The following PNPLA1 variants were observed in gnomAD, a reference collection of about 807,000 sequenced individuals.
PNPLA1 encodes patatin like domain 1, omega-hydroxyceramide transacylase.
In PNPLA1, 36 loss-of-function variants were observed where a neutral mutation model predicts 51.7. The observed-to-expected ratio is 0.70, with a 90% confidence interval of 0.53 to 0.92. The LOEUF (loss-of-function observed/expected upper bound fraction) is 0.92, where lower values mean the gene tolerates loss of function less well. Ranked by LOEUF, PNPLA1 falls within the 40% of genes least tolerant of loss-of-function variation. The pLI, the probability that PNPLA1 is intolerant of heterozygous loss-of-function variation, is 0.00. For synonymous variants in PNPLA1, 293 were observed against 280.1 expected, an observed-to-expected ratio of 1.05 and a Z score of -0.46; for missense variants, 658 against 682.5, an observed-to-expected ratio of 0.96 and a Z score of 0.40.
chr6:36,284,094 T>C (rs1050264013), intron 1 of PNPLA1, among the ~76,000 whole-genome samples: 7 of 152,176 alleles, frequency 4.6e-5, no homozygotes, highest in African/African-American at 1.7e-4. Context: ...AGGTTGTGCC[T>C]GGATTCTGGG....
intron 2 of PNPLA1, among the ~76,000 whole-genome samples, chr6:36,292,578 T>TC (rs2127345362): frequency 6.6e-6 from 1 of 151,298 alleles, no homozygotes; most frequent in East Asian, 2.0e-4. Context: ...CTTCATCCCC[T>TC]CCCACCCTGC....
intron 1 of PNPLA1, among the ~76,000 whole-genome samples, chr6:36,274,438 C>T (rs185811488): frequency 9.2e-5 from 14 of 152,222 alleles, no homozygotes; most frequent in African/African-American, 2.9e-4. Context: ...GAACATTCTA[C>T]GCAGAAGCAA....
At chr6:36,289,852 A>C (rs1314520253) in intron 1 of PNPLA1, among the ~76,000 whole-genome samples, 1 of 152,174 alleles carries the variant, frequency 6.6e-6, no homozygotes, top group Non-Finnish European at 1.5e-5. Context: ...TAAACCATAA[A>C]ACACAGGAGG....
chr6:36,287,484 G>A (rs1770531407), intron 1 of PNPLA1, among the ~76,000 whole-genome samples: 1 of 152,116 alleles, frequency 6.6e-6, no homozygotes, highest in Non-Finnish European at 1.5e-5. Context: ...GGTTAGTGTG[G>A]GACTCTGTGT....
chr6:36,299,830 C>A (rs138275679), intron 5 of PNPLA1, among the ~76,000 whole-genome samples: 120 of 152,240 alleles, frequency 7.9e-4, no homozygotes, highest in East Asian at 6.8e-3. Context: ...ACATTTCTCA[C>A]CTAGACTCTT....
chr6:36,294,270 G>A lies in PNPLA1; in HGVS notation c.585G>A (p.Gly195=), dbSNP rs762538744. 6.2e-6 allele frequency: 10 copies of A among 1,614,090 alleles called. No individual in the cohort carries two copies. The highest frequency in any genetic ancestry group is 5.5e-5 in the South Asian group (5 of 91,090). Reference sequence around the variant, plus strand: ...CCATCACCATCTCCACCTTCAGTGGGCAGCAGGACATCTGTCCCCGGGACT... The same window carrying A: ...CCATCACCATCTCCACCTTCAGTGGACAGCAGGACATCTGTCCCCGGGACT... ...TDAITISTFS[G]QQDICPRDCP... is the part of the protein sequence containing the mutation. Residue 195 remains glycine (G), a synonymous_variant, in exon 4 of 9, where the codon GGG becomes GGA. Coordinates refer to ENST00000636260, the MANE Select transcript of PNPLA1 (RefSeq NM_001374623.1). This position sits in a 1 kb window ranked among gnomAD's most constrained non-coding sequence, Gnocchi z 4.2.
chr6:36,248,779 A>G (rs1769359807), intron 1 of PNPLA1, among the ~76,000 whole-genome samples: 1 of 152,170 alleles, frequency 6.6e-6, no homozygotes, highest in Admixed American at 6.5e-5. Flanking sequence ...TCAGCCTCCC[A>G]AAGTGCTGAG....
At position 36,293,231 on chromosome 6, in the gene PNPLA1, A is replaced by G. The variant is rs77964096; in HGVS notation, c.504+105A>G. 0.1 allele frequency: 114,830 copies of G among 1,144,304 alleles called. 6,208 individuals are homozygous for G. Among genetic ancestry groups the G allele is most frequent in the African/African-American group, 0.12 (7,766 of 65,282 alleles). 70.9% of individuals were successfully genotyped at this position (1,144,304 alleles called of 1,614,324 possible). ...GGGGGTGGTCTCAGAATGCAGCGGG[A>G]GGACCTAGAGTTGGAGAGTTTCTCA... On this transcript the variant is annotated intron_variant, in intron 3 of 8. Coordinates refer to ENST00000636260, the MANE Select transcript of PNPLA1 (RefSeq NM_001374623.1).
Position 36,300,161 on chromosome 6 carries a change from T to TTG in PNPLA1, c.776-1683_776-1682dup, listed in dbSNP as rs145503312. On this transcript the variant is annotated intron_variant, in intron 5 of 8. Coordinates refer to ENST00000636260, the MANE Select transcript of PNPLA1 (RefSeq NM_001374623.1). ...ACAGTTTCTCAGACTTTTCTTATTC[T>TTG]TGTGTGTGTGTGTGTGTGAGAGAGA... Among the ~76,000 whole-genome samples, 1,015 of 102,966 alleles carry TTG rather than the reference T, an allele frequency of 9.9e-3. 24 individuals carry two copies. Among genetic ancestry groups the TTG allele is most frequent in the East Asian group, 0.029 (100 of 3,480 alleles). 67.5% of individuals were successfully genotyped at this position (102,966 alleles called of 152,430 possible).
rs75643943 is a variant in PNPLA1, at chr6:36,292,868, G to A, written c.439-193G>A. On this transcript the variant is annotated intron_variant, in intron 2 of 8. Transcript: ENST00000636260. ...GGGACATCAGGGCCAGATGGACCAAGCAGGTTACCAAGGACCCAATTAGTG... is the reference window on the plus strand; with the variant it reads ...GGGACATCAGGGCCAGATGGACCAAACAGGTTACCAAGGACCCAATTAGTG... Among the ~76,000 whole-genome samples, 1,033 of 152,334 alleles carry A rather than the reference G, an allele frequency of 6.8e-3. 10 individuals are homozygous for A. The highest frequency in any genetic ancestry group is 0.023 in the African/African-American group (941 of 41,570).
chr6:36,277,791 G>A (rs551412046), intron 1 of PNPLA1, among the ~76,000 whole-genome samples: 1 of 152,320 alleles, frequency 6.6e-6, no homozygotes, highest in East Asian at 1.9e-4. Context: ...TTGAGCCCAG[G>A]AGTTTGAGGC....
At chr6:36,300,543 T>G (rs1036133659) in intron 5 of PNPLA1, among the ~76,000 whole-genome samples, 1 of 152,006 alleles carries the variant, frequency 6.6e-6, no homozygotes, top group African/African-American at 2.4e-5. Context: ...CGTCCCTCAG[T>G]TGGGGTTTGT....
intron 1 of PNPLA1, among the ~76,000 whole-genome samples, chr6:36,273,938 A>T (rs1338760392): frequency 6.6e-6 from 1 of 152,080 alleles, no homozygotes; most frequent in Non-Finnish European, 1.5e-5. Flanking sequence ...GCTCGTAATT[A>T]TCGCAGAAGT....
intron 1 of PNPLA1, among the ~76,000 whole-genome samples, chr6:36,248,295 C>T (rs887836348): frequency 5.3e-5 from 8 of 152,134 alleles, no homozygotes; most frequent in African/African-American, 7.2e-5. Flanking sequence ...GCTTCCTGAG[C>T]GACAGGACAG....
At chr6:36,302,568 G>C in intron 6 of PNPLA1, 99 bp downstream of exon 6, 1 of 1,449,764 alleles carries the variant, frequency 6.9e-7, no homozygotes, top group African/African-American at 1.4e-5. Context: ...TTAGGGGTGC[G>C]TGGCTGAAGT....
At chr6:36,250,263 G>A (rs748633885) in intron 1 of PNPLA1, among the ~76,000 whole-genome samples, 2 of 152,170 alleles carry the variant, frequency 1.3e-5, no homozygotes, top group Non-Finnish European at 2.9e-5. Flanking sequence ...GCCCCCTGTG[G>A]TCCCTTCTGC....
At position 36,270,531 on chromosome 6, in the gene PNPLA1, C is replaced by A. The variant is rs1333003083; in HGVS notation, c.72C>A (p.Leu24=). 2.6e-6 allele frequency: 4 copies of A among 1,551,648 alleles called. No individual in the cohort carries two copies. The highest frequency in any genetic ancestry group is 8.7e-7 in the Non-Finnish European group (1 of 1,147,014). ...HSISFSGSGF[L]SFYQAGAVDA... ...TCTCCTTCTCGGGCAGTGGATTCCT[C>A]TCCTTCTACCAGGCGGGGGCTGTGG... Residue 24 remains leucine (L), a synonymous_variant, in exon 1 of 9, where the codon CTC becomes CTA. Transcript: ENST00000636260.
chr6:36,301,114 G>GCCCCCCCC (rs71540149), intron 5 of PNPLA1, among the ~76,000 whole-genome samples: 1 of 99,922 alleles, frequency 1.0e-5, no homozygotes, highest in Admixed American at 1.0e-4. Flanking sequence ...CCATCCCCCC[G>GCCCCCCCC]CCCCCCCACC....
chr6:36,273,431 C>G (rs1045752309), intron 1 of PNPLA1, among the ~76,000 whole-genome samples: 3 of 151,986 alleles, frequency 2.0e-5, no homozygotes, highest in African/African-American at 7.3e-5. Flanking sequence ...CTCTTCCCCA[C>G]TGAACTCCAG....
Sources: allele counts gnomAD v4.1 joint callset (sites outside exome capture counted in the v4.1 genomes callset), GRCh38; gene constraint gnomAD v4.1.1; non-coding constraint Gnocchi (gnomAD v3.1); transcripts MANE v1.5; gene names NCBI Gene and HGNC (gene_info 2026-07-23, HGNC 2026-07-21).